Variants in JPH1 observed in about 807,000 individuals in gnomAD.
The protein encoded by JPH1 is junctophilin-1.
Under a neutral mutation model 53.6 loss-of-function variants are expected in JPH1, and 12 were observed. The ratio of observed to expected loss-of-function variants is 0.22; its 90% CI spans 0.14 to 0.36. JPH1 has a LOEUF of 0.36. Among genes scored for constraint, JPH1 ranks in the 10% least tolerant of loss-of-function variants. The pLI is 1.00. For missense variants in JPH1, 808 were observed against 905.5 expected, an observed-to-expected ratio of 0.89 and a Z score of 1.38; for synonymous variants, 375 against 363.8, an observed-to-expected ratio of 1.03 and a Z score of -0.35.
chr8:74,289,274 C>A (rs2131429742), intron 2 of JPH1, among the ~76,000 whole-genome samples: 1 of 152,290 alleles, frequency 6.6e-6, no homozygotes, highest in South Asian at 2.1e-4. Context: ...AACACCATTG[C>A]AGTCTGGCAA....
chr8:74,247,962 T>C (rs934300440), intron 3 of JPH1, among the ~76,000 whole-genome samples: 4 of 152,164 alleles, frequency 2.6e-5, no homozygotes, highest in Non-Finnish European at 4.4e-5. Context: ...GTGAGACTGA[T>C]TTGGCCGTTG....
chr8:74,313,758 G>C (rs1397995427), intron 2 of JPH1, among the ~76,000 whole-genome samples: 2 of 152,158 alleles, frequency 1.3e-5, no homozygotes, highest in African/African-American at 2.4e-5. Flanking sequence ...CTGTGGAAGA[G>C]TGTTATTGAA....
At chr8:74,261,892 C>G (rs562396300) in intron 2 of JPH1, among the ~76,000 whole-genome samples, 3 of 152,174 alleles carry the variant, frequency 2.0e-5, no homozygotes, top group Non-Finnish European at 4.4e-5. Flanking sequence ...CACCACCATA[C>G]AGTCAAATAA....
At chr8:74,242,035 T>C (rs959062127) in intron 4 of JPH1, among the ~76,000 whole-genome samples, 2 of 152,156 alleles carry the variant, frequency 1.3e-5, no homozygotes, top group African/African-American at 4.8e-5. Context: ...ACGCAACCAT[T>C]GCCCACAGGG....
At chr8:74,279,371 C>G (rs1806943508) in intron 2 of JPH1, among the ~76,000 whole-genome samples, 1 of 152,192 alleles carries the variant, frequency 6.6e-6, no homozygotes, top group Admixed American at 6.5e-5. Context: ...AAGATGACAT[C>G]AAAGACTTCC....
In JPH1 at chr8:74,314,973, G is replaced by C; in HGVS notation, c.1027C>G (p.Gln343Glu). 1 of 1,614,156 alleles carries C rather than the reference G, an allele frequency of 6.2e-7. No homozygotes were observed. Among genetic ancestry groups the C allele is most frequent in the South Asian group, 1.1e-5 (1 of 91,084 alleles). ...TTTGTATGTCTTATTGGTATAAGCTGCTTCCTTATCCCACGGACCAGAATA... is the reference window on the plus strand; with the variant it reads ...TTTGTATGTCTTATTGGTATAAGCTCCTTCCTTATCCCACGGACCAGAATA... ...NNILVRGIRK[Q>E]LIPIRHTKTR... Residue 343 changes from glutamine to glutamate, a missense_variant, in exon 2 of 6, where the codon CAG becomes GAG. Coordinates refer to ENST00000342232, the MANE Select transcript of JPH1 (RefSeq NM_020647.4).
Position 74,244,540 on chromosome 8 carries a change from C to T in JPH1, c.1894G>A (p.Glu632Lys), listed in dbSNP as rs75912309. 6.2e-7 allele frequency: 1 copy of T among 1,603,078 alleles called. No homozygotes were observed. Among genetic ancestry groups the T allele is most frequent in the South Asian group, 1.1e-5 (1 of 88,974 alleles). Residue 632 changes from glutamate to lysine, a missense_variant, in exon 4 of 6, where the codon GAA becomes AAA. By Grantham distance (56) the Glu-to-Lys change is moderately conservative. Around this residue, in one of 2 missense-constraint regions of JPH1, gnomAD observed 756 missense variants for 811.9 expected, o/e 0.93. Transcript: ENST00000342232. ...CTTGCAGTACTTACTGAATTGGCTTCTTTTTCCAAAGCAGGGCATGAATCG... is the reference window on the plus strand; with the variant it reads ...CTTGCAGTACTTACTGAATTGGCTTTTTTTTCCAAAGCAGGGCATGAATCG... Reference protein sequence around the residue: ...SNDSCPALEKEANSGPNSIMI... With the variant: ...SNDSCPALEKKANSGPNSIMI...
At chr8:74,311,830 T>C (rs1808005572) in intron 2 of JPH1, among the ~76,000 whole-genome samples, 1 of 152,066 alleles carries the variant, frequency 6.6e-6, no homozygotes, top group South Asian at 2.1e-4. Flanking sequence ...TTCATCCATG[T>C]CCCTACAAAG....
chr8:74,248,459 T>C (rs10090232), intron 3 of JPH1, among the ~76,000 whole-genome samples: 5,747 of 152,312 alleles, frequency 0.038, 340 homozygotes, highest in African/African-American at 0.12. Flanking sequence ...GAAATATTAA[T>C]GTTTAACAAA....
At chr8:74,274,781 G>GACAC (rs1806801170) in intron 2 of JPH1, among the ~76,000 whole-genome samples, 1 of 152,094 alleles carries the variant, frequency 6.6e-6, no homozygotes. Flanking sequence ...AAAATCAGAA[G>GACAC]ACAGTTAACT....
Position 74,315,298 on chromosome 8 carries a change from G to C in JPH1, c.702C>G (p.Ser234Arg). Reference protein sequence around the residue: ...RKSESKSSISSKRSSVRSDAA... With the variant: ...RKSESKSSISRKRSSVRSDAA... ...CGTCGCTGCGGACAGAGCTGCGCTT[G>C]CTCGAGATGGAAGACTTGGATTCGG... The change falls in exon 2 of 6, where the codon AGC (serine) becomes AGG (arginine). Residue 234 changes from serine (S) to arginine (R), a missense_variant. Physicochemically the swap from Ser to Arg is moderately radical, Grantham distance 110 (BLOSUM62 -1). This residue lies in a region of JPH1 where 756 missense variants were observed against 811.9 expected (regional missense o/e 0.93). Coordinates refer to ENST00000342232, the MANE Select transcript of JPH1 (RefSeq NM_020647.4). The surrounding 1 kb of genome is among the most constrained non-coding windows in gnomAD (Gnocchi z 6.3). 6.2e-7 allele frequency: 1 copy of C among 1,614,022 alleles called. No individual in the cohort carries two copies. Among genetic ancestry groups the C allele is most frequent in the Non-Finnish European group, 8.5e-7 (1 of 1,180,042 alleles).
intron 3 of JPH1, among the ~76,000 whole-genome samples, chr8:74,245,763 A>T (rs1293392907): frequency 6.6e-6 from 1 of 152,130 alleles, no homozygotes; most frequent in Non-Finnish European, 1.5e-5. Flanking sequence ...AGTCAAGACA[A>T]GGCAGTTGTC....
chr8:74,261,053 G>C (rs1806381662), intron 2 of JPH1, among the ~76,000 whole-genome samples: 1 of 152,140 alleles, frequency 6.6e-6, no homozygotes, highest in African/African-American at 2.4e-5. Flanking sequence ...CAAAACCATA[G>C]AGACAGTAAA....
intron 2 of JPH1, among the ~76,000 whole-genome samples, chr8:74,272,667 G>T (rs900423204): frequency 6.8e-6 from 1 of 147,792 alleles, no homozygotes; most frequent in African/African-American, 2.5e-5. Flanking sequence ...GCAGTGGCGC[G>T]ATCTCGACTC....
chr8:74,277,863 G>A (rs564681137), intron 2 of JPH1, among the ~76,000 whole-genome samples: 1 of 152,084 alleles, frequency 6.6e-6, no homozygotes, highest in South Asian at 2.1e-4. Context: ...ATATTCACAT[G>A]GCTCAAAGAT....
chr8:74,282,764 G>C (rs1807048960), intron 2 of JPH1, among the ~76,000 whole-genome samples: 1 of 152,154 alleles, frequency 6.6e-6, no homozygotes, highest in African/African-American at 2.4e-5. Context: ...GGTGACTATA[G>C]TTAACAATTC....
intron 2 of JPH1, among the ~76,000 whole-genome samples, chr8:74,291,561 C>A (rs979595205): frequency 6.6e-6 from 1 of 152,164 alleles, no homozygotes; most frequent in African/African-American, 2.4e-5. Context: ...TTGTGGAAGT[C>A]GGTGTGGCGA....
Position 74,236,109 on chromosome 8 carries a change from A to AT in JPH1, c.*941dup. The AT allele has an allele frequency of 6.6e-6, 1 of 152,348 alleles. No individual in the cohort carries two copies. Among genetic ancestry groups the AT allele is most frequent in the East Asian group, 1.9e-4 (1 of 5,192 alleles). 9.4% of individuals were successfully genotyped at this position (152,348 alleles called of 1,614,324 possible). ...ATTCTGTTGTGTTTCAGCTTTTAAAATTTAGCACTTCCTAAGTGCATAAAT... is the reference window on the plus strand; with the variant it reads ...ATTCTGTTGTGTTTCAGCTTTTAAAATTTTAGCACTTCCTAAGTGCATAAAT... On this transcript the variant is annotated 3_prime_UTR_variant, in exon 6 of 6. Coordinates refer to ENST00000342232, the MANE Select transcript of JPH1 (RefSeq NM_020647.4).
intron 2 of JPH1, among the ~76,000 whole-genome samples, chr8:74,303,266 T>C (rs776380750): frequency 2.6e-5 from 4 of 152,206 alleles, no homozygotes; most frequent in Non-Finnish European, 4.4e-5. Flanking sequence ...CAAATACATC[T>C]TCCCCCATTA....
Sources: gnomAD v4.1 joint callset for allele counts (sites outside exome capture counted in the v4.1 genomes callset) on GRCh38, gnomAD v4.1.1 for gene constraint, gnomAD v4.1.1 regional missense constraint, Gnocchi (gnomAD v3.1) non-coding constraint, MANE v1.5 for transcripts, NCBI Gene and HGNC (gene_info 2026-07-23, HGNC 2026-07-21) for gene names.